C17orf78: variants seen among roughly 807,000 people sequenced by gnomAD.
The protein encoded by C17orf78 is uncharacterized protein C17orf78.
In C17orf78, 27 loss-of-function variants were observed where a neutral mutation model predicts 31.8. The ratio of observed to expected loss-of-function variants is 0.85; its 90% CI spans 0.63 to 1.17. The LOEUF is 1.17. Among genes scored for constraint, C17orf78 ranks in the 50% most tolerant of loss-of-function variants. The pLI is 0.00. For synonymous variants in C17orf78, 106 were observed against 115.1 expected (o/e 0.92, Z 0.51); for missense variants, 258 against 315.2 (o/e 0.82, Z 1.37).
At position 37,388,675 on chromosome 17, in the gene C17orf78, G is replaced by A. The variant is rs2050657393; in HGVS notation, c.514G>A (p.Asp172Asn). 2 of 1,611,966 alleles carry A rather than the reference G, an allele frequency of 1.2e-6. No individual in the cohort carries two copies. Among genetic ancestry groups the A allele is most frequent in the African/African-American group, 2.7e-5 (2 of 74,878 alleles). Reference sequence around the variant, plus strand: ...CACTCCCCTCTCTCCTTTAGACACAGATGAGAACCTAGAGAAGAGACAGAA... The same window carrying A: ...CACTCCCCTCTCTCCTTTAGACACAAATGAGAACCTAGAGAAGAGACAGAA... Reference protein sequence around the residue: ...EGEKTTSTDTDENLEKRQKWS... With the variant: ...EGEKTTSTDTNENLEKRQKWS... The change falls in exon 5 of 7, where the codon GAT becomes AAT. Residue 172 changes from aspartate to asparagine, a missense_variant. Asp to Asn is a conservative substitution (Grantham distance 23). Coordinates refer to ENST00000615133, the MANE Select transcript of C17orf78 (RefSeq NM_173625.5).
chr17:37,388,110 A>G (rs897141840), intron 4 of C17orf78, among the ~76,000 whole-genome samples: 8 of 152,124 alleles, frequency 5.3e-5, no homozygotes, highest in African/African-American at 1.7e-4. Context: ...GGCTGAAGTG[A>G]GCCAAGATTG....
At chr17:37,390,310 A>ATATATAT (rs2050795858) in intron 6 of C17orf78, among the ~76,000 whole-genome samples, 1 of 48,326 alleles carries the variant, frequency 2.1e-5, no homozygotes, top group African/African-American at 1.3e-4. Flanking sequence ...ATAATTATAT[A>ATATATAT]TATATATATA....
At position 37,380,875 on chromosome 17, in the gene C17orf78, C is replaced by T. The variant is rs568161958; in HGVS notation, c.391+1493C>T. Among the ~76,000 whole-genome samples, 8 of 151,342 alleles carry T rather than the reference C, an allele frequency of 5.3e-5. No homozygotes were observed. The East Asian group carries it at 1.2e-3, about 22-fold the overall frequency. On this transcript the variant is annotated intron_variant, in intron 3 of 6. Transcript: ENST00000615133. The stretch of plus-strand genomic sequence containing the variant: ...CCTCCCAAACTGCTGGGATTACAGG[C>T]GTGAGCCACCGTGCCTGGCCAGGTT...
intron 2 of C17orf78, among the ~76,000 whole-genome samples, chr17:37,378,647 A>G (rs1195262513): frequency 1.3e-5 from 2 of 152,322 alleles, no homozygotes; most frequent in Non-Finnish European, 2.9e-5. Context: ...AGAGAGGCGG[A>G]GGTTGCAGTG....
intron 3 of C17orf78, among the ~76,000 whole-genome samples, chr17:37,379,989 G>A (rs1041051244): frequency 3.3e-5 from 5 of 150,158 alleles, no homozygotes; most frequent in East Asian, 1.9e-4. Context: ...TGTTTACTGC[G>A]GCACTATTCA....
Position 37,376,000 on chromosome 17 carries a change from C to A in C17orf78, c.-93C>A. 2 of 1,086,700 alleles carry A rather than the reference C, an allele frequency of 1.8e-6. No homozygotes were observed. Among genetic ancestry groups the A allele is most frequent in the South Asian group, 1.3e-5 (1 of 74,802 alleles). 67.3% of individuals were successfully genotyped at this position (1,086,700 alleles called of 1,614,324 possible). On this transcript the variant is annotated 5_prime_UTR_variant, in exon 1 of 7. It adds an upstream start codon to the 5' untranslated region. Transcript: ENST00000615133. ...CTCTCAGGGTCAAACTTGGTTCCAG[C>A]TGCGTGTGGTGAAAGCAACTAGAGG...
At chr17:37,381,269 T>G (rs539578555) in intron 3 of C17orf78, among the ~76,000 whole-genome samples, 12 of 151,994 alleles carry the variant, frequency 7.9e-5, no homozygotes, top group Admixed American at 1.3e-4. Context: ...CACTGCAACC[T>G]CCTCCTCCCA....
intron 3 of C17orf78, among the ~76,000 whole-genome samples, chr17:37,381,176 TTTGTTG>T (rs570921905): frequency 1.7e-3 from 258 of 152,000 alleles, no homozygotes; most frequent in Non-Finnish European, 2.9e-3. Flanking sequence ...TTATTGTTAT[TTTGTTG>T]TTGTTGTTGT....
Position 37,391,648 on chromosome 17 carries a change from T to C in C17orf78, c.752T>C (p.Val251Ala), listed in dbSNP as rs769764779. The change falls in exon 7 of 7, where the codon GTT becomes GCT. Residue 251 changes from valine (V) to alanine (A), a missense_variant and splice_region_variant. By Grantham distance (64) the Val-to-Ala change is moderately conservative. Coordinates refer to ENST00000615133, the MANE Select transcript of C17orf78 (RefSeq NM_173625.5). ...TTCATATTTCCTTTCAATCTCTAGG[T>C]TGGACAAGATGCTGCCAATTCATCA... The part of the protein sequence containing the change: ...ESKPDSQPQK[V>A]GQDAANSSNP... The C allele has an allele frequency of 6.2e-7, 1 of 1,613,526 alleles. No homozygotes were observed. Among genetic ancestry groups the C allele is most frequent in the South Asian group, 1.1e-5 (1 of 91,066 alleles).
chr17:37,390,793 CAA>C (rs534003529), intron 6 of C17orf78, among the ~76,000 whole-genome samples: 13 of 113,236 alleles, frequency 1.1e-4, no homozygotes, highest in South Asian at 1.1e-3. Context: ...ACCCTGTGTC[CAA>C]AAAAAAAAAA....
chr17:37,382,006 C>T (rs1219228478), intron 3 of C17orf78, among the ~76,000 whole-genome samples: 1 of 152,058 alleles, frequency 6.6e-6, no homozygotes, highest in African/African-American at 2.4e-5. Flanking sequence ...CAAACAATTC[C>T]GAAAACAATG....
intron 3 of C17orf78, among the ~76,000 whole-genome samples, chr17:37,383,503 TC>T (rs1346299408): frequency 6.6e-6 from 1 of 152,230 alleles, no homozygotes; most frequent in Non-Finnish European, 1.5e-5. Context: ...GACCTAATCA[TC>T]ACTCATGATA....
intron 3 of C17orf78, among the ~76,000 whole-genome samples, chr17:37,380,568 CTTCT>C (rs780153115): frequency 6.6e-6 from 1 of 151,948 alleles, no homozygotes; most frequent in Non-Finnish European, 1.5e-5. Context: ...TCTGATGGAT[CTTCT>C]TTCAACAGTT....
At chr17:37,390,175 T>TATATATATACATACAC (rs60788220) in intron 6 of C17orf78, among the ~76,000 whole-genome samples, 4 of 44,508 alleles carry the variant, frequency 9.0e-5, no homozygotes, top group Non-Finnish European at 3.6e-5. Context: ...TATATATATA[T>TATATATATACATACAC]ACACACACAC....
rs2050925544 is a variant in C17orf78 at position 37,392,511 on chromosome 17, T to C, written c.*787T>C. On this transcript the variant is annotated 3_prime_UTR_variant, in exon 7 of 7. Coordinates refer to ENST00000615133, the MANE Select transcript of C17orf78 (RefSeq NM_173625.5). The stretch of plus-strand genomic sequence containing the variant: ...TTGGTGAGAAAGTGAAACCACCTGA[T>C]CTTGAATCAATGTTGAGGTGAAAAA... The C allele has an allele frequency of 6.6e-6, 1 of 152,150 alleles. No individual in the cohort carries two copies. Among genetic ancestry groups the C allele is most frequent in the African/African-American group, 2.4e-5 (1 of 41,438 alleles). 9.4% of individuals were successfully genotyped at this position (152,150 alleles called of 1,614,324 possible).
rs1194362315 is a variant in C17orf78 at position 37,391,841 on chromosome 17, AC to A, written c.*119del. 1 of 936,246 alleles carries A rather than the reference AC, an allele frequency of 1.1e-6. No individual in the cohort carries two copies. Among genetic ancestry groups the A allele is most frequent in the Non-Finnish European group, 1.7e-6 (1 of 590,518 alleles). The allele number at this position is 936,246 out of a possible 1,614,324, so 58.0% of individuals were successfully genotyped here. ...TTCAGCAGGGACATTACAATCAAAC[AC>A]CAATTCCTGGTTAATGAAGGGAGAG... On this transcript the variant is annotated 3_prime_UTR_variant, in exon 7 of 7. Transcript: ENST00000615133.
chr17:37,386,951 G>A (rs966126118), intron 4 of C17orf78: 3 of 152,204 alleles, frequency 2.0e-5, no homozygotes, highest in Non-Finnish European at 4.4e-5. Context: ...CTGAGTAGCT[G>A]GGACTACAGG....
chr17:37,378,519 C>G (rs2147721502), intron 2 of C17orf78, among the ~76,000 whole-genome samples: 1 of 152,090 alleles, frequency 6.6e-6, no homozygotes, highest in African/African-American at 2.4e-5. Flanking sequence ...TTGAGACTAG[C>G]CTGACCAACA....
intron 3 of C17orf78, among the ~76,000 whole-genome samples, chr17:37,383,564 T>G (rs1466793913): frequency 2.0e-5 from 3 of 152,254 alleles, no homozygotes; most frequent in Non-Finnish European, 4.4e-5. Flanking sequence ...ATTTATTTAT[T>G]TGAGACAGAG....
Sources: allele counts gnomAD v4.1 joint callset (sites outside exome capture counted in the v4.1 genomes callset), GRCh38; gene constraint gnomAD v4.1.1; transcripts MANE v1.5; gene names NCBI Gene and HGNC (gene_info 2026-07-23, HGNC 2026-07-21).